IQCJ: variants seen among roughly 807,000 people sequenced by gnomAD.
The protein encoded by IQCJ is IQ domain-containing protein J.
In IQCJ, 9 loss-of-function variants were observed where a neutral mutation model predicts 11.0. The observed-to-expected ratio is 0.82, with a 90% confidence interval of 0.49 to 1.43. The LOEUF is 1.43. Ranked by LOEUF, IQCJ falls within the 40% of genes most tolerant of loss-of-function variation. The pLI is 0.00. For synonymous variants in IQCJ, 55 were observed against 51.3 expected, an observed-to-expected ratio of 1.07 and a Z score of -0.31; for missense variants, 146 against 133.2, an observed-to-expected ratio of 1.10 and a Z score of -0.47.
intron 1 of IQCJ, among the ~76,000 whole-genome samples, chr3:159,198,250 C>G (rs1368253649): frequency 6.6e-6 from 1 of 151,908 alleles, no homozygotes; most frequent in Non-Finnish European, 1.5e-5. Flanking sequence ...TTTTTCTGTA[C>G]CACCATTTCC....
At chr3:159,253,407 G>A (rs1727713508) in intron 3 of IQCJ, among the ~76,000 whole-genome samples, 1 of 152,048 alleles carries the variant, frequency 6.6e-6, no homozygotes, top group African/African-American at 2.4e-5. Context: ...AATTGAGAAA[G>A]ACTTTATTAT....
intron 1 of IQCJ, among the ~76,000 whole-genome samples, chr3:159,122,992 G>A (rs755042879): frequency 4.6e-5 from 7 of 152,152 alleles, no homozygotes; most frequent in Non-Finnish European, 1.0e-4. Context: ...GAGGGAAGCA[G>A]CATTTATCTC....
chr3:159,116,339 A>T (rs184937373), intron 1 of IQCJ, among the ~76,000 whole-genome samples: 1 of 152,182 alleles, frequency 6.6e-6, no homozygotes, highest in African/African-American at 2.4e-5. Context: ...TCTCACTGGT[A>T]TCTGGTTCAG....
At chr3:159,080,634 C>T (rs964758269) in intron 1 of IQCJ, among the ~76,000 whole-genome samples, 5 of 152,028 alleles carry the variant, frequency 3.3e-5, no homozygotes, top group Admixed American at 6.6e-5. Flanking sequence ...TTTGACAGGC[C>T]GTTTATTATT....
At chr3:159,076,050 G>A (rs567245021) in intron 1 of IQCJ, among the ~76,000 whole-genome samples, 1 of 152,026 alleles carries the variant, frequency 6.6e-6, no homozygotes, top group Admixed American at 6.6e-5. Flanking sequence ...TATACTGTAA[G>A]GAAATACAGT....
At chr3:159,196,242 G>T (rs1577073435) in intron 1 of IQCJ, among the ~76,000 whole-genome samples, 1 of 152,052 alleles carries the variant, frequency 6.6e-6, no homozygotes, top group Non-Finnish European at 1.5e-5. Flanking sequence ...TATTTTTATT[G>T]TATCTTCTAA....
chr3:159,176,387 T>C (rs1722796594), intron 1 of IQCJ, among the ~76,000 whole-genome samples: 1 of 152,126 alleles, frequency 6.6e-6, no homozygotes, highest in South Asian at 2.1e-4. Flanking sequence ...AATACTGATA[T>C]AGAATGAACA....
At chr3:159,233,479 T>C (rs1726389560) in intron 1 of IQCJ, among the ~76,000 whole-genome samples, 1 of 152,162 alleles carries the variant, frequency 6.6e-6, no homozygotes, top group Non-Finnish European at 1.5e-5. Flanking sequence ...GGAGGATACT[T>C]AGGTTAACAT....
At chr3:159,088,597 G>T (rs556741844) in intron 1 of IQCJ, among the ~76,000 whole-genome samples, 8 of 152,156 alleles carry the variant, frequency 5.3e-5, no homozygotes, top group Non-Finnish European at 7.4e-5. Flanking sequence ...GTGAATCTGG[G>T]TGCTCCTGTA....
At chr3:159,176,802 T>C (rs1202350902) in intron 1 of IQCJ, among the ~76,000 whole-genome samples, 17 of 152,196 alleles carry the variant, frequency 1.1e-4, no homozygotes, top group Non-Finnish European at 1.5e-5. Flanking sequence ...CAGTAGCACA[T>C]GTAGCTGGGG....
chr3:159,131,721 A>G (rs868360391), intron 1 of IQCJ, among the ~76,000 whole-genome samples: 1 of 152,098 alleles, frequency 6.6e-6, no homozygotes, highest in South Asian at 2.1e-4. Flanking sequence ...GTTCCCTTGA[A>G]CCAGCTGAGC....
At chr3:159,090,776 G>C (rs1717218883) in intron 1 of IQCJ, among the ~76,000 whole-genome samples, 1 of 151,822 alleles carries the variant, frequency 6.6e-6, no homozygotes, top group Non-Finnish European at 1.5e-5. Flanking sequence ...CAGCCCATTT[G>C]CCTGACCTAG....
chr3:159,170,774 T>C (rs557384542), intron 1 of IQCJ, among the ~76,000 whole-genome samples: 343 of 152,180 alleles, frequency 2.3e-3, no homozygotes, highest in African/African-American at 7.8e-3. Context: ...TCCTCAGACA[T>C]CCCATGCATG....
At chr3:159,253,516 G>T (rs1175123225) in intron 3 of IQCJ, among the ~76,000 whole-genome samples, 1 of 152,002 alleles carries the variant, frequency 6.6e-6, no homozygotes, top group African/African-American at 2.4e-5. Flanking sequence ...ACCGTTTTCC[G>T]AGATCTTTTC....
At chr3:159,130,506 C>T (rs1220931996) in intron 1 of IQCJ, among the ~76,000 whole-genome samples, 1 of 152,162 alleles carries the variant, frequency 6.6e-6, no homozygotes, top group African/African-American at 2.4e-5. Context: ...CTGGCCACAT[C>T]ATCTGCTAAC....
intron 1 of IQCJ, among the ~76,000 whole-genome samples, chr3:159,202,168 C>T (rs1577077773): frequency 6.6e-6 from 1 of 152,244 alleles, no homozygotes; most frequent in Non-Finnish European, 1.5e-5. Context: ...TCATCAGCCT[C>T]TCAAAGATCC....
intron 1 of IQCJ, among the ~76,000 whole-genome samples, chr3:159,202,979 A>G (rs1269609268): frequency 6.6e-6 from 1 of 152,018 alleles, no homozygotes; most frequent in Admixed American, 6.5e-5. Flanking sequence ...ATTCTTTTTG[A>G]TAAGGTACAA....
Position 159,193,636 on chromosome 3 carries a change from A to C in IQCJ, c.10-52207A>C, listed in dbSNP as rs566813167. The stretch of plus-strand genomic sequence containing the variant: ...TGGTACAGGCTAAGAACTTATGAGC[A>C]AAGGAAGAAAATCTATACCCAAAAT... On this transcript the variant is annotated intron_variant, in intron 1 of 3. Coordinates refer to ENST00000397832, the MANE Select transcript of IQCJ (RefSeq NM_001042706.3). Among the ~76,000 whole-genome samples, 9 of 152,346 alleles carry C rather than the reference A, an allele frequency of 5.9e-5. No individual in the cohort carries two copies. The East Asian group carries it at 1.5e-3, about 26-fold the overall frequency.
chr3:159,207,551 T>C (rs188089106), intron 1 of IQCJ, among the ~76,000 whole-genome samples: 43 of 152,292 alleles, frequency 2.8e-4, no homozygotes. Context: ...CACTTGTCTG[T>C]TGTTGCCTTG....
Sources: gnomAD v4.1 joint callset for allele counts (sites outside exome capture counted in the v4.1 genomes callset) on GRCh38, gnomAD v4.1.1 for gene constraint, MANE v1.5 for transcripts, NCBI Gene and HGNC (gene_info 2026-07-23, HGNC 2026-07-21) for gene names.